The following B4GALT5 variants were observed in gnomAD, a reference collection of about 807,000 sequenced individuals.
B4GALT5 encodes the protein beta-1,4-galactosyltransferase 5.
B4GALT5 carries 11 observed loss-of-function variants against 45.0 expected under a neutral mutation model. That is an observed-to-expected ratio of 0.24 (90% CI 0.15 to 0.40). The LOEUF is 0.40. B4GALT5 is among the 10% of genes least tolerant of loss of function. B4GALT5 has a pLI of 1.00. For missense variants in B4GALT5, 337 were observed against 500.2 expected, an observed-to-expected ratio of 0.67 and a Z score of 3.11; for synonymous variants, 185 against 182.9, an observed-to-expected ratio of 1.01 and a Z score of -0.09.
intron 1 of B4GALT5, among the ~76,000 whole-genome samples, chr20:49,683,977 C>G (rs1051273802): frequency 6.6e-6 from 1 of 151,480 alleles, no homozygotes; most frequent in African/African-American, 2.4e-5. Context: ...CCTGTCTCTA[C>G]TAAAAATACA....
At chr20:49,653,682 T>C (rs1051787019) in intron 2 of B4GALT5, among the ~76,000 whole-genome samples, 1 of 152,202 alleles carries the variant, frequency 6.6e-6, no homozygotes, top group African/African-American at 2.4e-5. Context: ...CATGAAATCA[T>C]GTAAGTCAAG....
At chr20:49,662,507 A>G (rs2085669166) in intron 1 of B4GALT5, among the ~76,000 whole-genome samples, 1 of 152,128 alleles carries the variant, frequency 6.6e-6, no homozygotes, top group African/African-American at 2.4e-5. Flanking sequence ...ATAAGTTGAG[A>G]CAATATAGAG....
chr20:49,643,244 A>G (rs1256204643), intron 4 of B4GALT5, among the ~76,000 whole-genome samples: 1 of 152,228 alleles, frequency 6.6e-6, no homozygotes, highest in Admixed American at 6.5e-5. Context: ...GACTTCTGCA[A>G]ATGGGTCATT....
At chr20:49,643,921 G>GTT (rs1420292087) in intron 3 of B4GALT5, among the ~76,000 whole-genome samples, 1 of 115,750 alleles carries the variant, frequency 8.6e-6, no homozygotes, top group African/African-American at 3.4e-5. Context: ...CAGTAGCTGA[G>GTT]CTTTTTTTTT....
chr20:49,694,529 T>TGGGA (rs775248355), intron 1 of B4GALT5, among the ~76,000 whole-genome samples: 1 of 151,718 alleles, frequency 6.6e-6, no homozygotes, highest in Non-Finnish European at 1.5e-5. Flanking sequence ...CCTAGCTACT[T>TGGGA]GGGAGGGTGA....
intron 1 of B4GALT5, among the ~76,000 whole-genome samples, chr20:49,676,843 T>C (rs1468403027): frequency 6.6e-6 from 1 of 152,222 alleles, no homozygotes; most frequent in African/African-American, 2.4e-5. Flanking sequence ...GCACACATCC[T>C]CTGTGTCTAA....
At chr20:49,654,834 T>C (rs564667704) in intron 2 of B4GALT5, among the ~76,000 whole-genome samples, 7 of 152,162 alleles carry the variant, frequency 4.6e-5, no homozygotes, top group Non-Finnish European at 1.0e-4. Context: ...AGGCTGGGTA[T>C]GGTGGCTCAT....
intron 2 of B4GALT5, among the ~76,000 whole-genome samples, chr20:49,648,611 T>C (rs1281903577): frequency 6.6e-6 from 1 of 152,146 alleles, no homozygotes; most frequent in Non-Finnish European, 1.5e-5. Context: ...CCTACCAAGG[T>C]TTTTTGCTGT....
chr20:49,642,357 T>C (rs996485566), intron 5 of B4GALT5, 111 bp downstream of exon 5: 3 of 810,540 alleles, frequency 3.7e-6, no homozygotes. Context: ...GGCAACTCGA[T>C]CCTAAGATTT....
chr20:49,667,447 G>T (rs1318197152), intron 1 of B4GALT5, among the ~76,000 whole-genome samples: 1 of 152,014 alleles, frequency 6.6e-6, no homozygotes, highest in Non-Finnish European at 1.5e-5. Flanking sequence ...TAGAGACGGG[G>T]TTTCACTGTG....
intron 3 of B4GALT5, among the ~76,000 whole-genome samples, chr20:49,645,072 C>T (rs529337726): frequency 1.3e-5 from 2 of 152,294 alleles, no homozygotes; most frequent in African/African-American, 4.8e-5. Context: ...TTAACTAGCA[C>T]TTTGTTAAGA....
At chr20:49,666,886 A>C (rs1476238185) in intron 1 of B4GALT5, among the ~76,000 whole-genome samples, 6 of 152,230 alleles carry the variant, frequency 3.9e-5, no homozygotes, top group Admixed American at 6.5e-5. Context: ...TAAAGAAAGA[A>C]TCTGCTTATT....
intron 4 of B4GALT5, 70 bp from the exon 5 acceptor site, chr20:49,642,654 G>A: frequency 9.2e-7 from 1 of 1,090,334 alleles, no homozygotes; most frequent in Non-Finnish European, 1.4e-6. Context: ...GGACACCCCT[G>A]ATGAATTGCT....
chr20:49,634,602 G>A lies in B4GALT5; in HGVS notation c.*1710C>T, dbSNP rs6125695. Reference sequence around the variant, plus strand: ...AGGCTGGGCGCAATGGCTCACACCCGCCCATAATCCCAGCACTTTGGGAAG... The same window carrying A: ...AGGCTGGGCGCAATGGCTCACACCCACCCATAATCCCAGCACTTTGGGAAG... On this transcript the variant is annotated 3_prime_UTR_variant, in exon 9 of 9. Coordinates refer to ENST00000371711, the MANE Select transcript of B4GALT5 (RefSeq NM_004776.4). The A allele has an allele frequency of 0.22, 34,061 of 152,064 alleles. 3,970 individuals carry two copies. Among genetic ancestry groups the A allele is most frequent in the East Asian group, 0.36 (1,849 of 5,164 alleles). 9.4% of individuals were successfully genotyped at this position (152,064 alleles called of 1,614,324 possible). A position where few individuals can be genotyped will look rare whatever the true frequency, so the allele number is the denominator to read the frequency against.
At position 49,635,380 on chromosome 20, in the gene B4GALT5, T is replaced by C. The variant is rs1238725781; in HGVS notation, c.*932A>G. The C allele has an allele frequency of 2.6e-5, 4 of 151,788 alleles. No individual in the cohort carries two copies. The highest frequency in any genetic ancestry group is 9.7e-5 in the African/African-American group (4 of 41,276). The allele number at this position is 151,788 out of a possible 1,614,324, so 9.4% of individuals were successfully genotyped here. A position where few individuals can be genotyped will look rare whatever the true frequency, so the allele number is the denominator to read the frequency against. ...GCCTCCCGCTTAGCGGAGAGTGGGA[T>C]GAGCACATGCGCGGCCGACAGGGAA... On this transcript the variant is annotated 3_prime_UTR_variant, in exon 9 of 9. Transcript: ENST00000371711.
chr20:49,665,951 A>G (rs370701208), intron 1 of B4GALT5, among the ~76,000 whole-genome samples: 10 of 151,932 alleles, frequency 6.6e-5, no homozygotes, highest in Admixed American at 2.0e-4. Flanking sequence ...AGGCTAGAAA[A>G]ATGGGGGGAG....
intron 5 of B4GALT5, 65 bp downstream of exon 5, chr20:49,642,403 G>A (rs1156378651): frequency 1.5e-5 from 19 of 1,230,752 alleles, no homozygotes; most frequent in Non-Finnish European, 2.1e-5. Context: ...CAGTGGATTA[G>A]CTTGCAGCAA....
chr20:49,660,863 C>T (rs950164842), intron 1 of B4GALT5, among the ~76,000 whole-genome samples: 4 of 152,154 alleles, frequency 2.6e-5, no homozygotes, highest in Non-Finnish European at 1.5e-5. Flanking sequence ...TGGTAGTGTG[C>T]GCCTGTAGTC....
At chr20:49,655,139 A>T (rs1008058592) in intron 2 of B4GALT5, among the ~76,000 whole-genome samples, 7 of 142,766 alleles carry the variant, frequency 4.9e-5, no homozygotes, top group Admixed American at 2.1e-4. Flanking sequence ...TCAAGAGAAT[A>T]AAAAAAAAAG....
Sources: allele counts gnomAD v4.1 joint callset (sites outside exome capture counted in the v4.1 genomes callset), GRCh38; gene constraint gnomAD v4.1.1; transcripts MANE v1.5; gene names NCBI Gene and HGNC (gene_info 2026-07-23, HGNC 2026-07-21).